Variants in XNDC1N observed in about 807,000 individuals in gnomAD.
XNDC1N encodes protein XNDC1N.
the XNDC1N span, chr11:71,923,218 T>C: frequency 1.4e-6 from 1 of 696,018 alleles, no homozygotes; most frequent in Non-Finnish European, 2.6e-6. Flanking sequence ...TCTATTAGAT[T>C]GGGAGTTTCC....
chr11:71,908,041 C>T, the XNDC1N span, among the ~76,000 whole-genome samples: 5 of 152,278 alleles, frequency 3.3e-5, no homozygotes, highest in South Asian at 8.3e-4. Flanking sequence ...TGTACACCTA[C>T]TGCGATATAG....
the XNDC1N span, chr11:71,928,366 C>T: frequency 4.5e-6 from 3 of 669,496 alleles, no homozygotes; most frequent in East Asian, 2.7e-5. Flanking sequence ...GCCCCTCACC[C>T]GGGACCGTGG....
the XNDC1N span, among the ~76,000 whole-genome samples, chr11:71,905,635 C>CA: frequency 6.6e-6 from 1 of 151,954 alleles, no homozygotes; most frequent in African/African-American, 2.4e-5. Context: ...TATCACATCA[C>CA]AGAGTGTACA....
At chr11:71,928,394 T>A in the XNDC1N span, 1 of 688,922 alleles carries the variant, frequency 1.5e-6, no homozygotes, top group Admixed American at 2.0e-5. Context: ...GGAGCCACCG[T>A]TGCCTCGGAT....
chr11:71,907,522 TGTGA>T, the XNDC1N span, among the ~76,000 whole-genome samples: 1 of 152,058 alleles, frequency 6.6e-6, no homozygotes, highest in Admixed American at 6.5e-5. Context: ...TTTAACATAT[TGTGA>T]GTAATATCAC....
At chr11:71,889,303 C>T in the XNDC1N span, among the ~76,000 whole-genome samples, 2,732 of 152,240 alleles carry the variant, frequency 0.018, 48 homozygotes, top group Non-Finnish European at 0.028. Flanking sequence ...GTATGGAAAC[C>T]CCACAAGGTG....
chr11:71,895,602 C>T, the XNDC1N span, among the ~76,000 whole-genome samples: 2 of 151,370 alleles, frequency 1.3e-5, no homozygotes, highest in Non-Finnish European at 2.9e-5. Context: ...GCTGGGATTA[C>T]AGGCATGCGC....
the XNDC1N span, among the ~76,000 whole-genome samples, chr11:71,910,538 G>C: frequency 1.3e-5 from 2 of 152,180 alleles, no homozygotes; most frequent in Non-Finnish European, 2.9e-5. Context: ...TGCTCCAGTA[G>C]GTTGAGGACC....
At chr11:71,866,346 G>C in the XNDC1N span, among the ~76,000 whole-genome samples, 31 of 152,156 alleles carry the variant, frequency 2.0e-4, no homozygotes, top group African/African-American at 7.0e-4. Flanking sequence ...CAATCTGTTG[G>C]AGTACTTGAC....
the XNDC1N span, among the ~76,000 whole-genome samples, chr11:71,895,475 A>ATTTTTTTT: frequency 3.2e-4 from 31 of 98,350 alleles, no homozygotes; most frequent in Non-Finnish European, 5.1e-4. Flanking sequence ...ATGCCTGGCT[A>ATTTTTTTT]TTTTTTTTTT....
At chr11:71,914,503 A>G in the XNDC1N span, 1 of 393,624 alleles carries the variant, frequency 2.5e-6, no homozygotes, top group South Asian at 1.9e-5. Flanking sequence ...CCTGGTCAAC[A>G]TGGTGAAACC....
At chr11:71,916,433 G>A in the XNDC1N span, among the ~76,000 whole-genome samples, 1 of 152,164 alleles carries the variant, frequency 6.6e-6, no homozygotes, top group African/African-American at 2.4e-5. Context: ...ATGCCAAGCA[G>A]GCCAGTCAGG....
the XNDC1N span, chr11:71,893,359 C>G: frequency 1.6e-6 from 1 of 623,826 alleles, no homozygotes; most frequent in African/African-American, 1.8e-5. Context: ...GTATGGTCCG[C>G]AAGTGTCAAG....
At chr11:71,874,954 G>A in the XNDC1N span, among the ~76,000 whole-genome samples, 3 of 152,044 alleles carry the variant, frequency 2.0e-5, no homozygotes, top group South Asian at 2.1e-4. Context: ...TGAACTAAAG[G>A]TTTTACTCGC....
At chr11:71,898,888 G>A in the XNDC1N span, among the ~76,000 whole-genome samples, 1 of 152,148 alleles carries the variant, frequency 6.6e-6, no homozygotes, top group Non-Finnish European at 1.5e-5. Flanking sequence ...CATTCTATAT[G>A]AAGTAATATA....
chr11:71,919,039 G>A, the XNDC1N span: 1 of 702,130 alleles, frequency 1.4e-6, no homozygotes, highest in East Asian at 2.7e-5. Context: ...AAGTAAGAGA[G>A]GAGGAGAAAA....
At chr11:71,899,093 T>C in the XNDC1N span, among the ~76,000 whole-genome samples, 1 of 152,140 alleles carries the variant, frequency 6.6e-6, no homozygotes, top group African/African-American at 2.4e-5. Context: ...TATACGGACA[T>C]CCTTAGAGGT....
the XNDC1N span, among the ~76,000 whole-genome samples, chr11:71,926,802 G>A: frequency 1.4e-4 from 21 of 152,140 alleles, no homozygotes; most frequent in African/African-American, 4.6e-4. Context: ...TGAGGAGGCT[G>A]AGGCAGGAGA....
At chr11:71,871,614 A>G in the XNDC1N span, among the ~76,000 whole-genome samples, 1 of 152,210 alleles carries the variant, frequency 6.6e-6, no homozygotes, top group East Asian at 1.9e-4. Flanking sequence ...CATAAATCAT[A>G]ACATCACTTT....
Sources: allele counts gnomAD v4.1 joint callset (sites outside exome capture counted in the v4.1 genomes callset), GRCh38; gene constraint gnomAD v4.1.1; transcripts MANE v1.5; gene names NCBI Gene and HGNC (gene_info 2026-07-23, HGNC 2026-07-21).